Variants in PRR16 observed in about 807,000 individuals in gnomAD.
The protein encoded by PRR16 is proline rich 16.
Under a neutral mutation model 18.2 loss-of-function variants are expected in PRR16, and 6 were observed. The ratio of observed to expected loss-of-function variants is 0.33; its 90% confidence interval spans 0.18 to 0.65. The LOEUF (loss-of-function observed/expected upper bound fraction) is 0.65, where lower values mean the gene tolerates loss of function less well. Ranked by LOEUF, PRR16 falls within the 30% of genes least tolerant of loss-of-function variation. The probability of loss-of-function intolerance (pLI) is 0.74; values close to 1 mark genes in which losing one functional copy is unlikely to be tolerated. For synonymous variants in PRR16, 151 were observed against 147.8 expected (o/e 1.02, Z -0.16); for missense variants, 412 against 376.6 (o/e 1.09, Z -0.78).
the PRR16 span, among the ~76,000 whole-genome samples, chr5:120,777,764 C>T: frequency 2.0e-5 from 3 of 152,114 alleles, no homozygotes; most frequent in Admixed American, 1.3e-4. Context: ...TACAGAAGCG[C>T]ACTGAATACT....
chr5:120,660,893 G>C (rs944821278), intron 1 of PRR16, among the ~76,000 whole-genome samples: 1 of 152,048 alleles, frequency 6.6e-6, no homozygotes, highest in Non-Finnish European at 1.5e-5. Flanking sequence ...ATCCTATGGT[G>C]TCAAGTATAT....
the PRR16 span, among the ~76,000 whole-genome samples, chr5:120,771,462 C>T: frequency 6.6e-6 from 1 of 152,048 alleles, no homozygotes; most frequent in Non-Finnish European, 1.5e-5. Flanking sequence ...ATCATCATCC[C>T]TTTAGTAGAG....
At chr5:120,586,065 C>T (rs1020171574) in intron 1 of PRR16, among the ~76,000 whole-genome samples, 2 of 151,668 alleles carry the variant, frequency 1.3e-5, no homozygotes, top group Non-Finnish European at 2.9e-5. Flanking sequence ...CCCAGCTACT[C>T]AGGAGACTGA....
the PRR16 span, among the ~76,000 whole-genome samples, chr5:120,758,784 G>T: frequency 6.6e-6 from 1 of 151,950 alleles, no homozygotes; most frequent in African/African-American, 2.4e-5. Flanking sequence ...AAATTACCCA[G>T]TCTCAGGTAT....
intron 1 of PRR16, among the ~76,000 whole-genome samples, chr5:120,496,468 T>C (rs1464697046): frequency 6.6e-6 from 1 of 152,114 alleles, no homozygotes; most frequent in African/African-American, 2.4e-5. Flanking sequence ...ATGTATTAAA[T>C]GTAAGTTGCC....
At chr5:120,715,121 G>A in the PRR16 span, among the ~76,000 whole-genome samples, 26 of 151,122 alleles carry the variant, frequency 1.7e-4, no homozygotes, top group African/African-American at 5.1e-4. Flanking sequence ...AAAAAAAGTC[G>A]TAGCCATAGC....
At chr5:120,470,804 A>G (rs905834724) in intron 1 of PRR16, among the ~76,000 whole-genome samples, 2 of 152,156 alleles carry the variant, frequency 1.3e-5, no homozygotes, top group East Asian at 3.8e-4. Context: ...ATAGTAAGTC[A>G]TTTGCCCAAC....
At chr5:120,473,129 C>G (rs996617530) in intron 1 of PRR16, among the ~76,000 whole-genome samples, 1 of 152,058 alleles carries the variant, frequency 6.6e-6, no homozygotes, top group Admixed American at 6.6e-5. Context: ...TAACTATTTT[C>G]TGTTTACTTT....
At chr5:120,496,499 G>A (rs1750250517) in intron 1 of PRR16, among the ~76,000 whole-genome samples, 2 of 152,010 alleles carry the variant, frequency 1.3e-5, no homozygotes, top group South Asian at 4.1e-4. Context: ...TTGTAGAGTT[G>A]TTTTTAGTAT....
At chr5:120,481,900 T>C (rs1322405880) in intron 1 of PRR16, among the ~76,000 whole-genome samples, 1 of 152,210 alleles carries the variant, frequency 6.6e-6, no homozygotes, top group Non-Finnish European at 1.5e-5. Context: ...TAATTTGATT[T>C]GGTCACAATC....
chr5:120,619,475 T>C (rs1754618303), intron 1 of PRR16, among the ~76,000 whole-genome samples: 1 of 152,148 alleles, frequency 6.6e-6, no homozygotes, highest in Non-Finnish European at 1.5e-5. Context: ...ATCAACCATT[T>C]AATGTTACTA....
intron 1 of PRR16, among the ~76,000 whole-genome samples, chr5:120,582,786 G>A (rs558601419): frequency 2.0e-5 from 3 of 149,944 alleles, no homozygotes; most frequent in African/African-American, 7.6e-5. Flanking sequence ...AGTATGGGAG[G>A]TCTCAGACCA....
intron 1 of PRR16, among the ~76,000 whole-genome samples, chr5:120,584,995 G>C (rs1753393441): frequency 6.6e-6 from 1 of 152,054 alleles, no homozygotes; most frequent in South Asian, 2.1e-4. Flanking sequence ...TGCCTCACTA[G>C]ATCATCTTAG....
At chr5:120,556,817 C>A (rs987539682) in intron 1 of PRR16, among the ~76,000 whole-genome samples, 3 of 151,862 alleles carry the variant, frequency 2.0e-5, no homozygotes, top group African/African-American at 4.8e-5. Flanking sequence ...CAGGGCTGAA[C>A]CTACAAAATC....
intron 1 of PRR16, among the ~76,000 whole-genome samples, chr5:120,516,916 G>A (rs1053941891): frequency 6.6e-6 from 1 of 151,724 alleles, no homozygotes; most frequent in African/African-American, 2.4e-5. Flanking sequence ...TGTCAGGCAG[G>A]GCCACTGAGT....
chr5:120,576,561 T>G (rs1476690003), intron 1 of PRR16, among the ~76,000 whole-genome samples: 3 of 152,184 alleles, frequency 2.0e-5, no homozygotes, highest in Admixed American at 6.5e-5. Context: ...TATACTCTGC[T>G]GGCGGAAATG....
the PRR16 span, among the ~76,000 whole-genome samples, chr5:120,780,975 G>A: frequency 7.9e-4 from 121 of 152,268 alleles, 1 homozygote; most frequent in East Asian, 0.02. Flanking sequence ...CCTTGAACTT[G>A]GGAGGCGGAA....
chr5:120,634,936 T>C (rs1361083023), intron 1 of PRR16, among the ~76,000 whole-genome samples: 2 of 151,956 alleles, frequency 1.3e-5, no homozygotes, highest in Non-Finnish European at 2.9e-5. Context: ...CAGGAGATAT[T>C]GCAGCAGATA....
intron 1 of PRR16, among the ~76,000 whole-genome samples, chr5:120,556,247 T>TTG (rs909711501): frequency 6.7e-6 from 1 of 150,214 alleles, no homozygotes; most frequent in Non-Finnish European, 1.5e-5. Context: ...TTTTTTTTTT[T>TTG]TTTTTGTACC....
Sources: allele counts gnomAD v4.1 joint callset (sites outside exome capture counted in the v4.1 genomes callset), GRCh38; gene constraint gnomAD v4.1.1; transcripts MANE v1.5; gene names NCBI Gene and HGNC (gene_info 2026-07-23, HGNC 2026-07-21).